NFIA: variants seen among roughly 807,000 people sequenced by gnomAD.
NFIA encodes the protein nuclear factor 1 A-type.
In NFIA, 8 loss-of-function variants were observed where a neutral mutation model predicts 62.8. The observed-to-expected ratio is 0.13, with a 90% CI of 0.07 to 0.23. The LOEUF is 0.23. NFIA is among the 10% of genes least tolerant of loss of function. The pLI is 1.00. For missense variants in NFIA, 410 were observed against 642.1 expected (o/e 0.64, Z 3.91); for synonymous variants, 235 against 238.1 (o/e 0.99, Z 0.12).
chr1:61,352,394 A>G (rs572973931), intron 4 of NFIA, 56 bp from the exon 5 acceptor site: 1 of 1,248,118 alleles, frequency 8.0e-7, no homozygotes. Flanking sequence ...GGATGCTGTC[A>G]TTGATTTTTT....
intron 6 of NFIA, among the ~76,000 whole-genome samples, chr1:61,379,163 AGAGG>A: frequency 6.6e-6 from 1 of 152,156 alleles, no homozygotes; most frequent in Non-Finnish European, 1.5e-5. Context: ...CACACATGCA[AGAGG>A]AGAGGATTAT....
intron 4 of NFIA, among the ~76,000 whole-genome samples, chr1:61,334,803 A>G (rs575594516): frequency 6.6e-6 from 1 of 151,744 alleles, no homozygotes; most frequent in African/African-American, 2.4e-5. Flanking sequence ...CAGCCTTCCC[A>G]GGCCTGGGGG....
intron 2 of NFIA, among the ~76,000 whole-genome samples, chr1:61,092,039 C>G (rs1435936721): frequency 6.6e-6 from 1 of 152,090 alleles, no homozygotes; most frequent in African/African-American, 2.4e-5. Flanking sequence ...ATATTATTAC[C>G]TGCCATGGGG....
chr1:61,306,365 T>G (rs1406676725), intron 3 of NFIA, among the ~76,000 whole-genome samples: 2 of 132,664 alleles, frequency 1.5e-5, no homozygotes, highest in East Asian at 5.4e-4. Context: ...AACCTCCCCC[T>G]CCTGGGTTCA....
chr1:61,338,160 C>G (rs1661713610), intron 4 of NFIA, among the ~76,000 whole-genome samples: 1 of 152,198 alleles, frequency 6.6e-6, no homozygotes, highest in African/African-American at 2.4e-5. Context: ...CCAGGATTCT[C>G]AGTACACTGT....
intron 2 of NFIA, among the ~76,000 whole-genome samples, chr1:61,241,959 C>T (rs1005025220): frequency 6.6e-6 from 1 of 152,050 alleles, no homozygotes. Flanking sequence ...TAAATGAGAT[C>T]GAAGAGCGTT....
At chr1:61,092,867 T>C (rs960272265) in intron 2 of NFIA, among the ~76,000 whole-genome samples, 1 of 152,172 alleles carries the variant, frequency 6.6e-6, no homozygotes, top group African/African-American at 2.4e-5. Flanking sequence ...GGAGTGTCTG[T>C]GTAGGGGCGT....
At chr1:61,331,047 A>T (rs973498649) in intron 3 of NFIA, among the ~76,000 whole-genome samples, 3 of 152,186 alleles carry the variant, frequency 2.0e-5, no homozygotes, top group Non-Finnish European at 4.4e-5. Context: ...TCTAAGAGAC[A>T]GCATCTTAGG....
intron 2 of NFIA, among the ~76,000 whole-genome samples, chr1:61,260,634 G>A (rs1187112714): frequency 6.6e-6 from 1 of 152,202 alleles, no homozygotes; most frequent in Admixed American, 6.5e-5. Flanking sequence ...AGGCTGGAGT[G>A]CAGTGGCCTG....
At chr1:61,260,628 T>G (rs1474130865) in intron 2 of NFIA, among the ~76,000 whole-genome samples, 1 of 152,244 alleles carries the variant, frequency 6.6e-6, no homozygotes, top group African/African-American at 2.4e-5. Context: ...TCGCCCAGGC[T>G]GGAGTGCAGT....
intron 3 of NFIA, among the ~76,000 whole-genome samples, chr1:61,296,564 C>A (rs1283108023): frequency 6.6e-6 from 1 of 152,054 alleles, no homozygotes. Context: ...TGTCCTTTTT[C>A]TTAAGCCACT....
At chr1:61,330,159 C>T (rs1189599382) in intron 3 of NFIA, among the ~76,000 whole-genome samples, 7 of 152,074 alleles carry the variant, frequency 4.6e-5, no homozygotes, top group Non-Finnish European at 7.4e-5. Flanking sequence ...CTAAGAATAC[C>T]TGTGGGCTAT....
chr1:61,093,990 T>G (rs1262387802), intron 2 of NFIA, among the ~76,000 whole-genome samples: 1 of 152,260 alleles, frequency 6.6e-6, no homozygotes, highest in East Asian at 1.9e-4. Flanking sequence ...GGACAGCCTG[T>G]CGGCATTTTA....
At chr1:61,149,342 A>T (rs1000638824) in intron 2 of NFIA, among the ~76,000 whole-genome samples, 2 of 152,162 alleles carry the variant, frequency 1.3e-5, no homozygotes, top group African/African-American at 2.4e-5. Flanking sequence ...TATATTTTTT[A>T]AAATTCCCTG....
chr1:61,271,807 A>G (rs990317125), intron 2 of NFIA, among the ~76,000 whole-genome samples: 2 of 152,108 alleles, frequency 1.3e-5, no homozygotes, highest in Non-Finnish European at 2.9e-5. Flanking sequence ...CTAGACAAAC[A>G]CTCAATTCTA....
At chr1:61,427,971 T>C (rs1416957231) in intron 10 of NFIA, among the ~76,000 whole-genome samples, 2 of 152,226 alleles carry the variant, frequency 1.3e-5, no homozygotes, top group Non-Finnish European at 2.9e-5. Context: ...GAACATAATT[T>C]AATTTTGTAC....
chr1:61,383,135 C>T, intron 6 of NFIA, 102 bp from the exon 7 acceptor site: 1 of 1,428,012 alleles, frequency 7.0e-7, no homozygotes, highest in Non-Finnish European at 9.6e-7. Context: ...AGGTGGATTT[C>T]TCTTTTTGTT....
At chr1:61,094,034 C>A (rs1054615230) in intron 2 of NFIA, among the ~76,000 whole-genome samples, 1 of 152,158 alleles carries the variant, frequency 6.6e-6, no homozygotes, top group Non-Finnish European at 1.5e-5. Context: ...ATTCTAATTG[C>A]TCACAAATGT....
At position 61,404,140 on chromosome 1, in the gene NFIA, C is replaced by T; in HGVS notation, c.1112C>T (p.Pro371Leu). ...GCAACACCATCGACTCTTCATTTCC[C>T]GACATCACCCATTATCCAGCAGCCT... is the stretch of plus-strand genomic sequence containing the variant. ...PHATPSTLHFPTSPIIQQPGP... is the reference protein window; with the variant it reads ...PHATPSTLHFLTSPIIQQPGP... The change falls in exon 8 of 11, where the codon CCG becomes CTG. Residue 371 changes from proline to leucine, a missense_variant. This residue lies in a region of NFIA where 298 missense variants were observed against 438.1 expected (regional missense o/e 0.68). Coordinates refer to ENST00000403491, the MANE Select transcript of NFIA (RefSeq NM_001134673.4). The T allele has an allele frequency of 1.9e-6, 3 of 1,614,186 alleles. No individual in the cohort carries two copies. Among genetic ancestry groups the T allele is most frequent in the Non-Finnish European group, 2.5e-6 (3 of 1,180,036 alleles).
Sources: allele counts gnomAD v4.1 joint callset (sites outside exome capture counted in the v4.1 genomes callset), GRCh38; gene constraint gnomAD v4.1.1; regional missense constraint gnomAD v4.1.1; transcripts MANE v1.5; gene names NCBI Gene and HGNC (gene_info 2026-07-23, HGNC 2026-07-21).